The following UBE2U variants were observed in gnomAD, a reference collection of about 807,000 sequenced individuals.
UBE2U encodes ubiquitin conjugating enzyme E2 U.
In UBE2U, 39 loss-of-function variants were observed where a neutral mutation model predicts 41.2. The observed-to-expected ratio is 0.95, with a 90% CI of 0.73 to 1.24. The LOEUF is 1.24. Among genes scored for constraint, UBE2U ranks in the 50% most tolerant of loss-of-function variants. UBE2U has a pLI of 0.00. For synonymous variants in UBE2U, 107 were observed against 117.8 expected, an observed-to-expected ratio of 0.91 and a Z score of 0.60; for missense variants, 336 against 363.1, an observed-to-expected ratio of 0.93 and a Z score of 0.61.
rs535659318 is a variant in UBE2U at position 64,208,659 on chromosome 1, C to T, written c.241+1803C>T. Among the ~76,000 whole-genome samples, 10 of 124,788 alleles carry T rather than the reference C, an allele frequency of 8.0e-5. No homozygotes were observed. In the Middle Eastern group the frequency reaches 0.015, roughly 193 times the overall value. 81.9% of individuals were successfully genotyped at this position (124,788 alleles called of 152,430 possible). On this transcript the variant is annotated intron_variant, in intron 3 of 9. Coordinates refer to ENST00000371077, the MANE Select transcript of UBE2U (RefSeq NM_001366232.2). Reference sequence around the variant, plus strand: ...AAAAAAAAAAAAAGATGTTTATTCCCAACAGCAATGTTAGAAATAGGAAAA... The same window carrying T: ...AAAAAAAAAAAAAGATGTTTATTCCTAACAGCAATGTTAGAAATAGGAAAA...
At chr1:64,239,062 A>T in intron 7 of UBE2U, among the ~76,000 whole-genome samples, 1 of 71,322 alleles carries the variant, frequency 1.4e-5, no homozygotes, top group South Asian at 5.5e-4. Flanking sequence ...AAGAAGAAGA[A>T]GAAGAGGAAG....
chr1:64,265,353 C>T (rs1032254036), intron 9 of UBE2U, among the ~76,000 whole-genome samples: 1 of 152,090 alleles, frequency 6.6e-6, no homozygotes, highest in African/African-American at 2.4e-5. Context: ...CATGTGGAGT[C>T]AGAAAGGCCC....
intron 8 of UBE2U, among the ~76,000 whole-genome samples, chr1:64,250,380 A>G (rs1351709022): frequency 6.6e-6 from 1 of 152,186 alleles, no homozygotes; most frequent in African/African-American, 2.4e-5. Context: ...AGATGGCTTC[A>G]CTGGAGAATT....
chr1:64,239,119 A>AAAAGAAG (rs1644749202), intron 7 of UBE2U, among the ~76,000 whole-genome samples: 1 of 23,050 alleles, frequency 4.3e-5, no homozygotes, highest in Non-Finnish European at 8.2e-5. Context: ...AAGAAGAAGA[A>AAAAGAAG]GAAGAAGAAG....
At chr1:64,211,993 T>C (rs1240031206) in intron 4 of UBE2U, among the ~76,000 whole-genome samples, 1 of 152,246 alleles carries the variant, frequency 6.6e-6, no homozygotes, top group East Asian at 1.9e-4. Context: ...TTCTTCTATT[T>C]CTTGTATTTG....
chr1:64,237,995 A>T (rs986412842), intron 7 of UBE2U, among the ~76,000 whole-genome samples: 48 of 152,360 alleles, frequency 3.2e-4, no homozygotes, highest in African/African-American at 1.1e-3. Flanking sequence ...TTTGGCTAAG[A>T]GTAATGAAGA....
chr1:64,229,260 G>T (rs1653116734), intron 6 of UBE2U, among the ~76,000 whole-genome samples: 1 of 152,074 alleles, frequency 6.6e-6, no homozygotes, highest in Non-Finnish European at 1.5e-5. Context: ...ACCAAATATG[G>T]TTTTCAAGCA....
chr1:64,212,170 A>C (rs7546938), intron 4 of UBE2U, among the ~76,000 whole-genome samples: 1 of 151,830 alleles, frequency 6.6e-6, no homozygotes, highest in Admixed American at 6.6e-5. Context: ...TGAGCAAAAA[A>C]TTTAAGGGAG....
chr1:64,220,704 A>T (rs921667530), intron 5 of UBE2U, among the ~76,000 whole-genome samples, 155 bp from the exon 6 acceptor site: 2 of 151,124 alleles, frequency 1.3e-5, no homozygotes, highest in Non-Finnish European at 2.9e-5. Context: ...ATCTTGAAAA[A>T]TTTTCTTGTC....
intron 7 of UBE2U, among the ~76,000 whole-genome samples, chr1:64,239,093 G>A (rs1362471257): frequency 6.3e-4 from 3 of 4,760 alleles, no homozygotes; most frequent in African/African-American, 1.0e-3. Context: ...AGAGGAAGAG[G>A]AAGAAGAAGA....
chr1:64,206,339 G>T (rs964401733), intron 2 of UBE2U, among the ~76,000 whole-genome samples: 6 of 152,020 alleles, frequency 3.9e-5, no homozygotes, highest in Non-Finnish European at 7.4e-5. Flanking sequence ...AGGGAGTCAG[G>T]AATGTCTTCC....
chr1:64,224,383 A>C (rs889864496), intron 6 of UBE2U, among the ~76,000 whole-genome samples: 1 of 152,246 alleles, frequency 6.6e-6, no homozygotes, highest in South Asian at 2.1e-4. Context: ...AATAATGTCC[A>C]AAAAGCAGCC....
chr1:64,240,324 C>T (rs1432417332), intron 7 of UBE2U, among the ~76,000 whole-genome samples: 2 of 152,148 alleles, frequency 1.3e-5, no homozygotes, highest in African/African-American at 4.8e-5. Flanking sequence ...TCTAGAAAAT[C>T]ATATCCTAAG....
chr1:64,206,503 C>T (rs1471823107), intron 2 of UBE2U, among the ~76,000 whole-genome samples: 2 of 150,884 alleles, frequency 1.3e-5, no homozygotes, highest in African/African-American at 4.9e-5. Context: ...ATACGAGATA[C>T]AACAGAGGGG....
intron 5 of UBE2U, among the ~76,000 whole-genome samples, chr1:64,217,797 G>A (rs1040431603): frequency 4.6e-5 from 7 of 152,124 alleles, no homozygotes; most frequent in Non-Finnish European, 8.8e-5. Context: ...GGAGAATATA[G>A]AAATATTAGG....
At chr1:64,242,610 A>G (rs1416473947) in intron 8 of UBE2U, among the ~76,000 whole-genome samples, 1 of 150,346 alleles carries the variant, frequency 6.7e-6, no homozygotes, top group Non-Finnish European at 1.5e-5. Flanking sequence ...TAAATTGAGT[A>G]TATTAAAATG....
chr1:64,232,495 A>C, intron 6 of UBE2U, 66 bp from the exon 7 acceptor site: 1 of 1,125,238 alleles, frequency 8.9e-7, no homozygotes, highest in Non-Finnish European at 1.3e-6. Flanking sequence ...TCCATATAGC[A>C]GTACAATAAT....
At chr1:64,205,600 A>T in intron 1 of UBE2U, 39 bp from the exon 2 acceptor site, 1 of 1,529,280 alleles carries the variant, frequency 6.5e-7, no homozygotes, top group Non-Finnish European at 9.0e-7. Flanking sequence ...TAAATACTTA[A>T]TAAGTTTTTT....
chr1:64,218,817 T>A (rs1047177515), intron 5 of UBE2U, among the ~76,000 whole-genome samples: 3 of 152,220 alleles, frequency 2.0e-5, no homozygotes, highest in Admixed American at 2.0e-4. Flanking sequence ...GATTTTACAT[T>A]CCTTTGTTTT....
Sources: allele counts gnomAD v4.1 joint callset (sites outside exome capture counted in the v4.1 genomes callset), GRCh38; gene constraint gnomAD v4.1.1; transcripts MANE v1.5; gene names NCBI Gene and HGNC (gene_info 2026-07-23, HGNC 2026-07-21).